KIF3A: variants seen among roughly 807,000 people sequenced by gnomAD.
KIF3A encodes the protein kinesin-like protein KIF3A.
KIF3A carries 27 observed loss-of-function variants against 92.6 expected under a neutral mutation model. The observed-to-expected ratio is 0.29, with a 90% CI of 0.21 to 0.40. The LOEUF (loss-of-function observed/expected upper bound fraction) is 0.40. Ranked by LOEUF, KIF3A falls within the 10% of genes least tolerant of loss-of-function variation. The pLI, the probability that KIF3A is intolerant of heterozygous loss-of-function variation, is 1.00. For missense variants in KIF3A, 581 were observed against 872.6 expected, an observed-to-expected ratio of 0.67 and a Z score of 4.21; for synonymous variants, 250 against 275.4, an observed-to-expected ratio of 0.91 and a Z score of 0.92.
Position 132,733,121 on chromosome 5 carries a change from T to C in KIF3A, c.280+1084A>G, listed in dbSNP as rs563022428. On this transcript the variant is annotated intron_variant, in intron 2 of 18. Coordinates refer to ENST00000403231, the MANE Select transcript of KIF3A (RefSeq NM_001300791.2). ...TGGGTTGGGGGAAGGGAGGTGGTAATGGATTGGGAGTGACTGACTGCTAAT... is the reference window on the plus strand; with the variant it reads ...TGGGTTGGGGGAAGGGAGGTGGTAACGGATTGGGAGTGACTGACTGCTAAT... Among the ~76,000 whole-genome samples the C allele has an allele frequency of 3.9e-5, 6 of 152,238 alleles. No individual in the cohort carries two copies. In the South Asian group the frequency reaches 1.2e-3, roughly 32 times the overall value.
chr5:132,700,161 TA>T, intron 17 of KIF3A, 54 bp downstream of exon 17: 1 of 967,138 alleles, frequency 1.0e-6, no homozygotes, highest in South Asian at 1.5e-5. Flanking sequence ...CATATTCCTA[TA>T]AAGAAACAAC....
rs377208287 is a variant in KIF3A at position 132,708,987 on chromosome 5, C to T, written c.1229-9G>A. On this transcript the variant is annotated splice_polypyrimidine_tract_variant and intron_variant, in intron 9 of 18. Coordinates refer to ENST00000403231, the MANE Select transcript of KIF3A (RefSeq NM_001300791.2). ...ACTGCTGCTGCTACTGCCTGGAAAA[C>T]AAAGAAATGAGCCCAACAGGAACCA... is the stretch of plus-strand genomic sequence containing the variant. 186 of 1,546,228 alleles carry T rather than the reference C, an allele frequency of 1.2e-4. 2 individuals are homozygous for T. In the South Asian group the frequency reaches 2.1e-3, roughly 17 times the overall value.
chr5:132,701,316 T>C (rs1753028621), intron 15 of KIF3A, among the ~76,000 whole-genome samples: 1 of 151,934 alleles, frequency 6.6e-6, no homozygotes, highest in Non-Finnish European at 1.5e-5. Flanking sequence ...CTGGCCAACA[T>C]GGCTAAACCC....
chr5:132,715,954 CA>C (rs1561701857), intron 7 of KIF3A, 23 bp from the exon 8 acceptor site: 1 of 1,504,260 alleles, frequency 6.6e-7, no homozygotes, highest in South Asian at 1.2e-5. Flanking sequence ...AAATATGAAA[CA>C]AATCATTTTA....
intron 7 of KIF3A, 64 bp from the exon 8 acceptor site, chr5:132,715,995 A>C (rs1038391915): frequency 8.5e-7 from 1 of 1,174,076 alleles, no homozygotes. Context: ...TAATACTACC[A>C]TTACAAATAC....
rs868438169 is a variant in KIF3A, at chr5:132,695,151, G to A, written c.*1483C>T. ...ACAAAACATATATTAAGTGGTTTAG[G>A]AGTAGCATAACTTTATTTTTATTTT... On this transcript the variant is annotated 3_prime_UTR_variant, in exon 19 of 19. Transcript: ENST00000403231. 73 of 152,194 alleles carry A rather than the reference G, an allele frequency of 4.8e-4. No homozygotes were observed. The highest frequency in any genetic ancestry group is 1.7e-3 in the African/African-American group (72 of 41,414). The allele number at this position is 152,194 out of a possible 1,614,324, so 9.4% of individuals were successfully genotyped here.
At chr5:132,719,250 T>C (rs533146642) in intron 5 of KIF3A, among the ~76,000 whole-genome samples, 1 of 152,338 alleles carries the variant, frequency 6.6e-6, no homozygotes, top group African/African-American at 2.4e-5. Flanking sequence ...ATTTTCCTGA[T>C]TAGTTGTGAA....
intron 1 of KIF3A, among the ~76,000 whole-genome samples, chr5:132,737,146 G>C (rs903822220): frequency 6.6e-6 from 1 of 152,214 alleles, no homozygotes; most frequent in Admixed American, 6.5e-5. Flanking sequence ...CCAGCACAGC[G>C]CCTTTTTGAT....
intron 2 of KIF3A, among the ~76,000 whole-genome samples, chr5:132,732,072 C>G (rs1222885655): frequency 6.6e-6 from 1 of 152,058 alleles, no homozygotes; most frequent in African/African-American, 2.4e-5. Flanking sequence ...AAAAAAACTA[C>G]TAGAATTAAT....
chr5:132,717,912 G>T (rs1183123441), intron 5 of KIF3A, among the ~76,000 whole-genome samples: 1 of 151,814 alleles, frequency 6.6e-6, no homozygotes, highest in African/African-American at 2.4e-5. Context: ...AACTACCTGA[G>T]AATTAAATTA....
chr5:132,724,717 C>A (rs1753943504), intron 4 of KIF3A, among the ~76,000 whole-genome samples: 1 of 148,108 alleles, frequency 6.8e-6, no homozygotes, highest in Non-Finnish European at 1.5e-5. Flanking sequence ...GGGTGCAGCA[C>A]ACCAACATGG....
At position 132,703,450 on chromosome 5, in the gene KIF3A, C is replaced by T. The variant is rs1279691456; in HGVS notation, c.1466+13G>A. ...TTTAAATCATGAATTCATCTCAATT[C>T]AATAATACTCACTGGGCTTTAAGAA... On this transcript the variant is annotated intron_variant, in intron 12 of 18. Coordinates refer to ENST00000403231, the MANE Select transcript of KIF3A (RefSeq NM_001300791.2). 1 of 1,585,704 alleles carries T rather than the reference C, an allele frequency of 6.3e-7. No homozygotes were observed. The highest frequency in any genetic ancestry group is 1.4e-5 in the African/African-American group (1 of 73,764).
chr5:132,710,740 A>C (rs776795983), intron 9 of KIF3A, among the ~76,000 whole-genome samples: 6 of 152,244 alleles, frequency 3.9e-5, no homozygotes, highest in Non-Finnish European at 5.9e-5. Flanking sequence ...GAGTCTTACA[A>C]TTCTAAATTC....
At chr5:132,711,527 G>GGT (rs1194799225) in intron 8 of KIF3A, among the ~76,000 whole-genome samples, 1 of 152,056 alleles carries the variant, frequency 6.6e-6, no homozygotes. Context: ...AGGAGGCAGA[G>GGT]GTTGCAGTGA....
In KIF3A at chr5:132,713,972, T is replaced by C. The variant is rs537960677; in HGVS notation, c.1129+1785A>G. 8.4e-5 allele frequency among the ~76,000 whole-genome samples: 12 copies of C among 142,336 alleles called. No individual in the cohort carries two copies. The East Asian group carries it at 1.3e-3, about 15-fold the overall frequency. The allele number at this position is 142,336 out of a possible 152,430, so 93.4% of individuals were successfully genotyped here. ...AGTGCAGTGGCATAATCTCGGCTCA[T>C]TGCCACCTCCACCTTCCAGGTTCAA... On this transcript the variant is annotated intron_variant, in intron 8 of 18. Transcript: ENST00000403231.
intron 4 of KIF3A, among the ~76,000 whole-genome samples, chr5:132,722,744 A>C (rs1396989016): frequency 2.0e-5 from 3 of 152,222 alleles, no homozygotes; most frequent in Non-Finnish European, 4.4e-5. Flanking sequence ...ATTTCGCTCC[A>C]AACTCTACCA....
At chr5:132,727,717 G>A (rs1435721504) in intron 2 of KIF3A, among the ~76,000 whole-genome samples, 1 of 152,192 alleles carries the variant, frequency 6.6e-6, no homozygotes, top group Non-Finnish European at 1.5e-5. Context: ...GTGACATCAT[G>A]ATCACTATGG....
chr5:132,704,369 C>T (rs1397682912), intron 11 of KIF3A, among the ~76,000 whole-genome samples: 2 of 151,812 alleles, frequency 1.3e-5, no homozygotes, highest in African/African-American at 2.4e-5. Flanking sequence ...CGAAGGCTCC[C>T]TAAGTCAGAG....
chr5:132,731,531 C>A (rs149390459), intron 2 of KIF3A, among the ~76,000 whole-genome samples: 221 of 152,260 alleles, frequency 1.5e-3, no homozygotes, highest in African/African-American at 4.3e-3. Flanking sequence ...AATTTACAGA[C>A]ATCATCATAC....
Sources: allele counts gnomAD v4.1 joint callset (sites outside exome capture counted in the v4.1 genomes callset), GRCh38; gene constraint gnomAD v4.1.1; transcripts MANE v1.5; gene names NCBI Gene and HGNC (gene_info 2026-07-23, HGNC 2026-07-21).